PALLD: variants seen among roughly 807,000 people sequenced by gnomAD.
PALLD encodes the protein palladin.
PALLD carries 61 observed loss-of-function variants against 123.5 expected under a neutral mutation model. That is an observed-to-expected ratio of 0.49 (90% CI 0.40 to 0.61). The LOEUF (loss-of-function observed/expected upper bound fraction) is 0.61. PALLD is among the 20% of genes least tolerant of loss of function. The pLI is 0.00. For synonymous variants in PALLD, 465 were observed against 496.4 expected, an observed-to-expected ratio of 0.94 and a Z score of 0.84; for missense variants, 1,273 against 1,377.0, an observed-to-expected ratio of 0.92 and a Z score of 1.20.
chr4:168,825,913 G>A (rs1743355660), intron 10 of PALLD, among the ~76,000 whole-genome samples: 1 of 152,168 alleles, frequency 6.6e-6, no homozygotes, highest in Non-Finnish European at 1.5e-5. Flanking sequence ...ATGACTTCAT[G>A]AATTGCCACT....
At chr4:168,520,096 G>A (rs146905009) in intron 2 of PALLD, among the ~76,000 whole-genome samples, 13,064 of 151,908 alleles carry the variant, frequency 0.086, 809 homozygotes, top group Non-Finnish European at 0.12. Context: ...GGAGGCCGAG[G>A]CGGGCGGATC....
intron 10 of PALLD, among the ~76,000 whole-genome samples, chr4:168,848,296 A>G (rs1747208431): frequency 6.6e-6 from 1 of 152,142 alleles, no homozygotes; most frequent in African/African-American, 2.4e-5. Context: ...GATGGCTTCT[A>G]AGACTAAAAA....
intron 18 of PALLD, among the ~76,000 whole-genome samples, chr4:168,923,921 A>G (rs1208629591): frequency 1.3e-5 from 1 of 76,492 alleles, no homozygotes; most frequent in African/African-American, 3.2e-5. Context: ...ATGATCGGTA[A>G]CATAATCACT....
At chr4:168,745,343 G>A (rs377217487) in intron 10 of PALLD, among the ~76,000 whole-genome samples, 53 of 144,676 alleles carry the variant, frequency 3.7e-4, no homozygotes, top group South Asian at 2.0e-3. Flanking sequence ...TTCATATGTC[G>A]TTAATACTTC....
chr4:168,498,757 G>C (rs1021048510), intron 1 of PALLD, among the ~76,000 whole-genome samples: 3 of 152,146 alleles, frequency 2.0e-5, no homozygotes, highest in African/African-American at 7.2e-5. Flanking sequence ...TTGGTAAATA[G>C]GTTTTGAATT....
chr4:168,810,826 AG>A (rs56906540), intron 10 of PALLD, among the ~76,000 whole-genome samples: 76,590 of 136,398 alleles, frequency 0.56, 21,494 homozygotes, highest in African/African-American at 0.61. Flanking sequence ...AAAAAAAAAA[AG>A]AAAAAAAAAG....
intron 10 of PALLD, among the ~76,000 whole-genome samples, chr4:168,873,517 T>G (rs1751353474): frequency 6.6e-6 from 1 of 152,230 alleles, no homozygotes; most frequent in Non-Finnish European, 1.5e-5. Context: ...CAGATATTGC[T>G]CCAGAGAGAC....
intron 2 of PALLD, among the ~76,000 whole-genome samples, chr4:168,570,314 T>C (rs1421931558): frequency 6.6e-6 from 1 of 152,162 alleles, no homozygotes; most frequent in African/African-American, 2.4e-5. Context: ...AAAATTCCCA[T>C]AAATACAAAC....
intron 10 of PALLD, among the ~76,000 whole-genome samples, chr4:168,858,004 G>T (rs2151012926): frequency 6.6e-6 from 1 of 152,170 alleles, no homozygotes; most frequent in East Asian, 1.9e-4. Flanking sequence ...CACACACATT[G>T]CTCCCCACAC....
intron 10 of PALLD, among the ~76,000 whole-genome samples, chr4:168,713,052 G>A (rs1168342326): frequency 1.3e-5 from 2 of 152,106 alleles, no homozygotes; most frequent in Non-Finnish European, 2.9e-5. Context: ...TAAGAAATGG[G>A]CTAACAATTA....
intron 2 of PALLD, among the ~76,000 whole-genome samples, chr4:168,572,408 C>A (rs1292219929): frequency 6.6e-6 from 1 of 152,082 alleles, no homozygotes; most frequent in African/African-American, 2.4e-5. Flanking sequence ...AACTGGGGTA[C>A]AAACTCAGGT....
chr4:168,863,224 A>G (rs1749751654), intron 10 of PALLD, among the ~76,000 whole-genome samples: 1 of 152,160 alleles, frequency 6.6e-6, no homozygotes, highest in South Asian at 2.1e-4. Flanking sequence ...AGATCCAAGC[A>G]CCAGATTTGT....
intron 10 of PALLD, among the ~76,000 whole-genome samples, chr4:168,760,033 G>A (rs1487895132): frequency 2.0e-5 from 3 of 149,952 alleles, no homozygotes; most frequent in African/African-American, 5.0e-5. Context: ...CAGCCTGGGC[G>A]ACAGAGACTG....
intron 3 of PALLD, among the ~76,000 whole-genome samples, chr4:168,681,032 A>G (rs1561391083): frequency 6.6e-6 from 1 of 152,222 alleles, no homozygotes; most frequent in Non-Finnish European, 1.5e-5. Context: ...TTCATAGTTT[A>G]TAGCCATTTA....
chr4:168,805,262 C>A (rs7654189), intron 10 of PALLD, among the ~76,000 whole-genome samples: 62,103 of 151,888 alleles, frequency 0.41, 13,292 homozygotes, highest in East Asian at 0.77. Flanking sequence ...AATAGGTCAA[C>A]AAGCATTTCC....
chr4:168,627,115 TA>T (rs1343038424), intron 2 of PALLD, among the ~76,000 whole-genome samples: 2 of 152,242 alleles, frequency 1.3e-5, no homozygotes, highest in Admixed American at 6.5e-5. Context: ...AACTAACATT[TA>T]AAAAATTATT....
intron 10 of PALLD, among the ~76,000 whole-genome samples, chr4:168,805,616 TCCCA>T (rs1384215463): frequency 6.6e-6 from 1 of 152,042 alleles, no homozygotes; most frequent in Non-Finnish European, 1.5e-5. Flanking sequence ...ATGCCCTTTC[TCCCA>T]CCCACCCCTA....
intron 2 of PALLD, among the ~76,000 whole-genome samples, chr4:168,658,618 A>G (rs980671515): frequency 6.6e-6 from 1 of 152,108 alleles, no homozygotes. Context: ...GTAAATAAAT[A>G]TCTGTATATT....
chr4:168,571,064 G>C (rs550075254), intron 2 of PALLD, among the ~76,000 whole-genome samples: 1 of 151,926 alleles, frequency 6.6e-6, no homozygotes, highest in Admixed American at 6.6e-5. Flanking sequence ...ATAATGGCAG[G>C]GTTCTCATCT....
Sources: allele counts gnomAD v4.1 joint callset (sites outside exome capture counted in the v4.1 genomes callset), GRCh38; gene constraint gnomAD v4.1.1; transcripts MANE v1.5; gene names NCBI Gene and HGNC (gene_info 2026-07-23, HGNC 2026-07-21).